The following PSD3 variants were observed in gnomAD, a reference collection of about 807,000 sequenced individuals.
PSD3 encodes the protein pleckstrin and Sec7 domain containing 3, also known as PH and SEC7 domain-containing protein 3.
In PSD3, 49 loss-of-function variants were observed where a neutral mutation model predicts 105.5. That is an observed-to-expected ratio of 0.46 (90% CI 0.37 to 0.59). The LOEUF (loss-of-function observed/expected upper bound fraction) is 0.59. Among genes scored for constraint, PSD3 ranks in the 20% least tolerant of loss-of-function variants. PSD3 has a pLI of 0.00. For synonymous variants in PSD3, 557 were observed against 457.8 expected (o/e 1.22, Z -2.77); for missense variants, 1,561 against 1,263.8 (o/e 1.24, Z -3.57).
chr8:18,801,360 G>C lies in PSD3; in HGVS notation c.1933C>G (p.Leu645Val). The C allele has an allele frequency of 6.2e-7, 1 of 1,602,964 alleles. No individual in the cohort carries two copies. The highest frequency in any genetic ancestry group is 8.5e-7 in the Non-Finnish European group (1 of 1,172,684). The stretch of plus-strand genomic sequence containing the variant: ...TCTCGTTCTTGAGTTTCTCCCACAA[G>C]AGAGAATGCTTTAAAGAAATACCTA... ...SLRYFFKAFS[L>V]VGETQERERV... is the part of the protein sequence containing the mutation. The change falls in exon 7 of 16, where the codon CTT (leucine) becomes GTT (valine). Residue 645 changes from leucine (L) to valine (V), a missense_variant. By Grantham distance (32) the Leu-to-Val change is conservative. Transcript: ENST00000327040.
intron 2 of PSD3, among the ~76,000 whole-genome samples, chr8:18,911,160 G>T (rs187712775): frequency 6.6e-6 from 1 of 152,112 alleles, no homozygotes; most frequent in Non-Finnish European, 1.5e-5. Context: ...TCGGTAGAGT[G>T]GGGGTGGGAG....
intron 13 of PSD3, 127 bp downstream of exon 13, chr8:18,575,001 G>T: frequency 1.1e-6 from 1 of 892,212 alleles, no homozygotes; most frequent in Non-Finnish European, 1.6e-6. Flanking sequence ...TTTCTCTAAT[G>T]TAAGCAGTTG....
intron 1 of PSD3, among the ~76,000 whole-genome samples, chr8:18,951,444 G>A (rs1207407577): frequency 6.6e-6 from 1 of 152,026 alleles, no homozygotes; most frequent in African/African-American, 2.4e-5. Context: ...GGAACAGCAG[G>A]GCAGTGGAAA....
chr8:18,622,602 T>C (rs112756600), intron 11 of PSD3, among the ~76,000 whole-genome samples: 13 of 152,316 alleles, frequency 8.5e-5, no homozygotes, highest in African/African-American at 2.9e-4. Context: ...TAAGGTGTTA[T>C]TGACCAATAA....
intron 11 of PSD3, among the ~76,000 whole-genome samples, chr8:18,607,683 C>CAA (rs755375836): frequency 0.048 from 3,915 of 80,748 alleles, 363 homozygotes; most frequent in East Asian, 0.066. Flanking sequence ...TCCACTGCTA[C>CAA]AAAAAAAAAA....
chr8:18,647,409 T>C (rs767540147), intron 10 of PSD3, among the ~76,000 whole-genome samples: 1 of 152,210 alleles, frequency 6.6e-6, no homozygotes, highest in Non-Finnish European at 1.5e-5. Flanking sequence ...TTTTAAACTG[T>C]TATTGTTATA....
chr8:19,048,515 TAACTGCCAA>T (rs1420616344), intron 1 of PSD3, among the ~76,000 whole-genome samples: 1 of 151,610 alleles, frequency 6.6e-6, no homozygotes, highest in Admixed American at 6.6e-5. Flanking sequence ...CAAAGCAGTT[TAACTGCCAA>T]AGTGCTAGCT....
chr8:18,632,237 C>T (rs1806952695), intron 11 of PSD3, among the ~76,000 whole-genome samples: 1 of 152,064 alleles, frequency 6.6e-6, no homozygotes, highest in Non-Finnish European at 1.5e-5. Flanking sequence ...GCAAATTCAA[C>T]CTTTCCCTCA....
At chr8:18,937,126 G>C (rs571462210) in intron 1 of PSD3, among the ~76,000 whole-genome samples, 1 of 152,280 alleles carries the variant, frequency 6.6e-6, no homozygotes, top group South Asian at 2.1e-4. Context: ...CGCTGTTTTA[G>C]GCAACTGTCA....
At chr8:18,936,546 G>A (rs1822148137) in intron 1 of PSD3, among the ~76,000 whole-genome samples, 1 of 152,058 alleles carries the variant, frequency 6.6e-6, no homozygotes, top group South Asian at 2.1e-4. Flanking sequence ...GGTGGATCAC[G>A]ATGTCAGGAG....
At chr8:18,818,387 C>A (rs1812403032) in intron 4 of PSD3, among the ~76,000 whole-genome samples, 1 of 151,420 alleles carries the variant, frequency 6.6e-6, no homozygotes, top group African/African-American at 2.4e-5. Context: ...CATGATCTTA[C>A]TTTGCCCTTT....
intron 8 of PSD3, chr8:18,775,087 C>G: frequency 2.5e-6 from 1 of 401,172 alleles, no homozygotes; most frequent in Admixed American, 2.8e-5. Context: ...TAAGCCCCCC[C>G]AAGTTTGAGA....
intron 9 of PSD3, among the ~76,000 whole-genome samples, chr8:18,715,485 T>C (rs1441213359): frequency 6.6e-6 from 1 of 152,234 alleles, no homozygotes; most frequent in Non-Finnish European, 1.5e-5. Context: ...AAAGAGTAAG[T>C]GCTCTACAAA....
At chr8:18,651,735 A>C (rs1283766235) in intron 10 of PSD3, among the ~76,000 whole-genome samples, 1 of 152,190 alleles carries the variant, frequency 6.6e-6, no homozygotes, top group African/African-American at 2.4e-5. Flanking sequence ...GATCAGAAAA[A>C]ACTTCAAGAA....
rs554037816 is a variant in PSD3, at chr8:18,965,784, G to T, written c.22-29642C>A. On this transcript the variant is annotated intron_variant, in intron 1 of 15. Transcript: ENST00000327040. ...GACACGTGGATATTTTCACACCCAT[G>T]AGATGGATCTGAAGCTTAATACAGA... 2.0e-5 allele frequency among the ~76,000 whole-genome samples: 3 copies of T among 152,322 alleles called. No homozygotes were observed. The South Asian group carries it at 6.2e-4, about 32-fold the overall frequency.
chr8:18,922,876 G>C (rs1821122024), intron 2 of PSD3, among the ~76,000 whole-genome samples: 1 of 152,172 alleles, frequency 6.6e-6, no homozygotes. Context: ...GGAGGGGGCA[G>C]AGAGTTCCAT....
intron 4 of PSD3, among the ~76,000 whole-genome samples, chr8:18,831,147 G>C (rs1036600422): frequency 3.9e-5 from 6 of 152,128 alleles, no homozygotes; most frequent in Non-Finnish European, 5.9e-5. Context: ...GCATAAAATA[G>C]GGCAGCTACT....
At chr8:18,886,883 C>G (rs1818479622) in intron 2 of PSD3, 1 of 152,214 alleles carries the variant, frequency 6.6e-6, no homozygotes, top group South Asian at 2.1e-4. Context: ...GCAGCCTGTT[C>G]TCCCGTTTGC....
chr8:18,973,412 G>A (rs569019766), intron 1 of PSD3, among the ~76,000 whole-genome samples: 33 of 152,274 alleles, frequency 2.2e-4, no homozygotes, highest in African/African-American at 6.3e-4. Flanking sequence ...TTCTGGTGGC[G>A]GCCCTCTTAC....
Sources: gnomAD v4.1 joint callset for allele counts (sites outside exome capture counted in the v4.1 genomes callset) on GRCh38, gnomAD v4.1.1 for gene constraint, MANE v1.5 for transcripts, NCBI Gene and HGNC (gene_info 2026-07-23, HGNC 2026-07-21) for gene names.